The following ADCY10 variants were observed in gnomAD, a reference collection of about 807,000 sequenced individuals.
ADCY10 encodes adenylate cyclase 10, also known as adenylate cyclase type 10.
Under a neutral mutation model 183.3 loss-of-function variants are expected in ADCY10, and 156 were observed. That is an observed-to-expected ratio of 0.85 (90% CI 0.75 to 0.97). ADCY10 has a LOEUF of 0.97. ADCY10 is among the 50% of genes least tolerant of loss of function. The pLI, the probability that ADCY10 is intolerant of heterozygous loss-of-function variation, is 0.00. For missense variants in ADCY10, 1,745 were observed against 1,934.3 expected, an observed-to-expected ratio of 0.90 and a Z score of 1.84; for synonymous variants, 645 against 670.0, an observed-to-expected ratio of 0.96 and a Z score of 0.58.
At chr1:167,872,080 G>A (rs948907231) in intron 13 of ADCY10, among the ~76,000 whole-genome samples, 5 of 152,076 alleles carry the variant, frequency 3.3e-5, no homozygotes, top group Admixed American at 6.5e-5. Context: ...GGTGGCTCAC[G>A]CCTGTAATCC....
intron 21 of ADCY10, among the ~76,000 whole-genome samples, chr1:167,842,311 C>T (rs576197732): frequency 6.6e-6 from 1 of 152,206 alleles, no homozygotes; most frequent in East Asian, 1.9e-4. Flanking sequence ...GGCTAATTTT[C>T]TTATTTTTAG....
At chr1:167,839,544 C>T (rs1664463219) in intron 21 of ADCY10, among the ~76,000 whole-genome samples, 1 of 152,132 alleles carries the variant, frequency 6.6e-6, no homozygotes, top group Non-Finnish European at 1.5e-5. Flanking sequence ...TAGCTAGGTC[C>T]TTATTATATG....
intron 7 of ADCY10, 132 bp downstream of exon 7, chr1:167,896,463 C>T: frequency 1.3e-6 from 1 of 779,804 alleles, no homozygotes; most frequent in South Asian, 1.4e-5. Flanking sequence ...AAGTAGGTCC[C>T]CTTTGTGTGC....
At chr1:167,833,937 A>G (rs184768758) in intron 24 of ADCY10, 33 bp downstream of exon 24, 1 of 1,527,746 alleles carries the variant, frequency 6.5e-7, no homozygotes, top group East Asian at 2.3e-5. Context: ...AAGATATATA[A>G]CAGATAAATT....
Position 167,845,759 on chromosome 1 carries a change from G to A in ADCY10, c.2811C>T (p.Ala937=), listed in dbSNP as rs1664968731. 2 of 1,614,194 alleles carry A rather than the reference G, an allele frequency of 1.2e-6. No individual in the cohort carries two copies. Among genetic ancestry groups the A allele is most frequent in the Non-Finnish European group, 8.5e-7 (1 of 1,180,032 alleles). The change falls in exon 21 of 33, where the codon GCC becomes GCT. Residue 937 remains alanine (A), a synonymous_variant. Transcript: ENST00000367851. ...TCTGGTCCTTGAGCCACAGCTCGTA[G>A]GCTGTTTTCTGCATCATAGGGTTAC... ...RFCNPMMQKT[A]YELWLKDQRK...
rs1287122303 is a variant in ADCY10, at chr1:167,820,262, A to G, written c.4286+1762T>C. On this transcript the variant is annotated intron_variant, in intron 30 of 32. Transcript: ENST00000367851. Reference sequence around the variant, plus strand: ...GTCCTGGTCCATCGTCGTCGCCACCACAGGGCTGCTGGCGCCGCAGCGCCG... The same window carrying G: ...GTCCTGGTCCATCGTCGTCGCCACCGCAGGGCTGCTGGCGCCGCAGCGCCG... The G allele has an allele frequency of 4.0e-5, 59 of 1,477,912 alleles. No individual in the cohort carries two copies. In the South Asian group the frequency reaches 6.5e-4, roughly 16 times the overall value. 91.5% of individuals were successfully genotyped at this position (1,477,912 alleles called of 1,614,324 possible).
At chr1:167,899,772 T>C (rs1669262836) in intron 5 of ADCY10, 144 bp from the exon 6 acceptor site, 1 of 777,498 alleles carries the variant, frequency 1.3e-6, no homozygotes, top group Non-Finnish European at 2.2e-6. Context: ...ATAGGAATTA[T>C]GGCATACCTC....
chr1:167,856,140 T>C (rs369700794), intron 17 of ADCY10, 25 bp downstream of exon 17: 10 of 1,613,014 alleles, frequency 6.2e-6, no homozygotes, highest in Non-Finnish European at 8.5e-6. Flanking sequence ...ATGTCGAGAG[T>C]TCAGAATAGA....
intron 16 of ADCY10, among the ~76,000 whole-genome samples, chr1:167,856,922 C>T (rs1571319011): frequency 6.6e-6 from 1 of 152,314 alleles, no homozygotes; most frequent in African/African-American, 2.4e-5. Context: ...CTGCTGGCAG[C>T]CGATGCTATT....
At position 167,870,086 on chromosome 1, in the gene ADCY10, T is replaced by C. The variant is rs1216064125; in HGVS notation, c.1616+171A>G. On this transcript the variant is annotated intron_variant, in intron 14 of 32. Transcript: ENST00000367851. ...CATGGGTCAGCCCAGTTTCTCTTTT[T>C]CTTAGCTCTATGTGTTTATTGTTAG... is the stretch of plus-strand genomic sequence containing the variant. 6.6e-5 allele frequency among the ~76,000 whole-genome samples: 10 copies of C among 152,244 alleles called. No homozygotes were observed. In the East Asian group the frequency reaches 1.9e-3, roughly 29 times the overall value.
chr1:167,814,815 T>A (rs1452411259), intron 31 of ADCY10, among the ~76,000 whole-genome samples: 5 of 152,042 alleles, frequency 3.3e-5, no homozygotes, highest in Non-Finnish European at 5.9e-5. Flanking sequence ...TTTTATGCTA[T>A]GTGTATTTGG....
intron 19 of ADCY10, among the ~76,000 whole-genome samples, chr1:167,846,524 G>T (rs1303534866): frequency 6.6e-6 from 1 of 152,194 alleles, no homozygotes; most frequent in Non-Finnish European, 1.5e-5. Flanking sequence ...ATTTCATGGT[G>T]TTCTGATTTT....
In ADCY10 at chr1:167,859,881, G is replaced by A. The variant is rs749325871; in HGVS notation, c.1822C>T (p.Arg608Trp). 6.3e-5 allele frequency: 102 copies of A among 1,608,734 alleles called. No individual in the cohort carries two copies. Among genetic ancestry groups the A allele is most frequent in the South Asian group, 5.1e-4 (46 of 90,964 alleles). Residue 608 changes from arginine (R) to tryptophan (W), a missense_variant, in exon 16 of 33, where the codon CGG becomes TGG. By Grantham distance (101) the Arg-to-Trp change is moderately radical. Coordinates refer to ENST00000367851, the MANE Select transcript of ADCY10 (RefSeq NM_018417.6). Reference sequence around the variant, plus strand: ...AAGGTGCTCATCCTGGAAATCTCCCGAGAAATAGGGAACTGTACAAAGAAT... The same window carrying A: ...AAGGTGCTCATCCTGGAAATCTCCCAAGAAATAGGGAACTGTACAAAGAAT... ...DIFHVQFPIS[R>W]EISRMSTLKK...
At chr1:167,820,217 C>G in intron 30 of ADCY10, 2 of 1,543,924 alleles carry the variant, frequency 1.3e-6, no homozygotes, top group Non-Finnish European at 8.7e-7. Context: ...GGCTTCTCCT[C>G]GTTCCACAGG....
At chr1:167,875,278 C>T in intron 12 of ADCY10, 92 bp from the exon 13 acceptor site, 1 of 1,303,682 alleles carries the variant, frequency 7.7e-7, no homozygotes, top group Non-Finnish European at 1.1e-6. Context: ...AGAAAGTTTC[C>T]TTCTCAATTG....
chr1:167,891,808 A>G (rs1029424793), intron 8 of ADCY10, among the ~76,000 whole-genome samples: 2 of 152,206 alleles, frequency 1.3e-5, no homozygotes, highest in African/African-American at 4.8e-5. Flanking sequence ...CAGATTCTTC[A>G]ACGACAATGT....
In ADCY10 at chr1:167,878,559, G is replaced by T. The variant is rs1667653287; in HGVS notation, c.1293C>A (p.Thr431=). The stretch of plus-strand genomic sequence containing the variant: ...ACGCTGGTAGGTTGCTCCCATTGTA[G>T]GTGACAGAGTCGCAGGTCACAATTC... The part of the protein sequence containing the change: ...YPGIVTCDSV[T]YNGSNLPAYF... Residue 431 remains threonine, a synonymous_variant, in exon 12 of 33, where the codon ACC becomes ACA. Transcript: ENST00000367851. 2 of 1,614,118 alleles carry T rather than the reference G, an allele frequency of 1.2e-6. No homozygotes were observed. The highest frequency in any genetic ancestry group is 1.3e-5 in the African/African-American group (1 of 75,034).
intron 14 of ADCY10, among the ~76,000 whole-genome samples, chr1:167,868,786 C>T (rs1010257498): frequency 1.3e-5 from 2 of 152,178 alleles, no homozygotes; most frequent in Non-Finnish European, 2.9e-5. Context: ...AAAAATTATA[C>T]AATACTATAG....
chr1:167,905,043 C>T lies in ADCY10; in HGVS notation c.98G>A (p.Arg33Gln), dbSNP rs2102448096. 6 of 1,614,192 alleles carry T rather than the reference C, an allele frequency of 3.7e-6. No individual in the cohort carries two copies. Among genetic ancestry groups the T allele is most frequent in the Non-Finnish European group, 5.1e-6 (6 of 1,180,044 alleles). ...TCCGTCAAAATAATCCATAAAGGGT[C>T]GCTCTGGGGAGAAATGTCCATAGAC... Reference protein sequence around the residue: ...LIVYGHFSPERPFMDYFDGVL... With the variant: ...LIVYGHFSPEQPFMDYFDGVL... The change falls in exon 2 of 33, where the codon CGA becomes CAA. Residue 33 changes from arginine (R) to glutamine (Q), a missense_variant. By Grantham distance (43) the Arg-to-Gln change is conservative. Transcript: ENST00000367851.
Sources: allele counts gnomAD v4.1 joint callset (sites outside exome capture counted in the v4.1 genomes callset), GRCh38; gene constraint gnomAD v4.1.1; transcripts MANE v1.5; gene names NCBI Gene and HGNC (gene_info 2026-07-23, HGNC 2026-07-21).